Variants in SLFN12L observed in about 807,000 individuals in gnomAD.
The protein encoded by SLFN12L is schlafen family member 12 like.
In SLFN12L, 34 loss-of-function variants were observed where a neutral mutation model predicts 34.8. The ratio of observed to expected loss-of-function variants is 0.98; its 90% CI spans 0.74 to 1.30. The LOEUF (loss-of-function observed/expected upper bound fraction) is 1.30, where lower values mean the gene tolerates loss of function less well. Among genes scored for constraint, SLFN12L ranks in the 50% most tolerant of loss-of-function variants. SLFN12L has a pLI of 0.00. For synonymous variants in SLFN12L, 259 were observed against 247.5 expected, an observed-to-expected ratio of 1.05 and a Z score of -0.44; for missense variants, 703 against 696.2, an observed-to-expected ratio of 1.01 and a Z score of -0.11.
At chr17:35,502,416 GA>G (rs1161388791) in intron 2 of SLFN12L, among the ~76,000 whole-genome samples, 736 of 25,256 alleles carry the variant, frequency 0.029, no homozygotes, top group Non-Finnish European at 0.038. Flanking sequence ...GTATCCTAAG[GA>G]AAAAAAAAAA....
intron 2 of SLFN12L, among the ~76,000 whole-genome samples, chr17:35,493,101 C>T (rs1212904095): frequency 2.0e-5 from 3 of 152,124 alleles, no homozygotes; most frequent in South Asian, 2.1e-4. Context: ...TGTGGGTATG[C>T]GTGGGTGTAT....
chr17:35,510,906 G>A (rs566750378), intron 2 of SLFN12L, among the ~76,000 whole-genome samples: 15 of 150,462 alleles, frequency 1.0e-4, no homozygotes, highest in African/African-American at 3.7e-4. Flanking sequence ...AAGTTACTTT[G>A]AATGTCTTGC....
intron 2 of SLFN12L, among the ~76,000 whole-genome samples, chr17:35,488,174 G>T (rs940427198): frequency 6.6e-6 from 1 of 152,110 alleles, no homozygotes; most frequent in Non-Finnish European, 1.5e-5. Flanking sequence ...GTGCCACTAC[G>T]CTCCAGCCTG....
chr17:35,473,268 T>C lies in SLFN12L; in HGVS notation c.*1655A>G, dbSNP rs953912122. Among the ~76,000 whole-genome samples the C allele has an allele frequency of 2.0e-5, 3 of 152,214 alleles. No homozygotes were observed. Among genetic ancestry groups the C allele is most frequent in the Non-Finnish European group, 4.4e-5 (3 of 68,030 alleles). On this transcript the variant is annotated 3_prime_UTR_variant, in exon 5 of 5. Transcript: ENST00000628453. ...ATGCTTCCAGGTTTTGCCCATTCAGTATGATATTGGCTGTGGGTTTGTCAT... is the reference window on the plus strand; with the variant it reads ...ATGCTTCCAGGTTTTGCCCATTCAGCATGATATTGGCTGTGGGTTTGTCAT...
chr17:35,472,355 A>G lies in SLFN12L; in HGVS notation c.*2568T>C, dbSNP rs576096248. ...CAGTTTCAGTTTTCTGCATATGGCT[A>G]GCCAGTTCTCCCAGCACCATTTATT... On this transcript the variant is annotated 3_prime_UTR_variant, in exon 5 of 5. Coordinates refer to ENST00000628453, the MANE Select transcript of SLFN12L (RefSeq NM_001363830.2). Among the ~76,000 whole-genome samples, 2 of 152,352 alleles carry G rather than the reference A, an allele frequency of 1.3e-5. No homozygotes were observed. Among genetic ancestry groups the G allele is most frequent in the South Asian group, 2.1e-4 (1 of 4,832 alleles).
At chr17:35,502,631 G>A (rs1915339659) in intron 2 of SLFN12L, among the ~76,000 whole-genome samples, 1 of 150,528 alleles carries the variant, frequency 6.6e-6, no homozygotes, top group Admixed American at 6.6e-5. Flanking sequence ...CCAATTCTAA[G>A]TTAGTTTGGA....
At chr17:35,523,057 T>C (rs1401194395) in intron 1 of SLFN12L, 88 bp from the exon 2 acceptor site, 2 of 309,782 alleles carry the variant, frequency 6.5e-6, no homozygotes, top group East Asian at 6.1e-5. Flanking sequence ...TTAATATATT[T>C]GATTATTAAT....
chr17:35,469,302 A>AT lies in SLFN12L; in HGVS notation c.*5620_*5621insA, dbSNP rs1263483627. On this transcript the variant is annotated 3_prime_UTR_variant, in exon 5 of 5. Coordinates refer to ENST00000628453, the MANE Select transcript of SLFN12L (RefSeq NM_001363830.2). Reference sequence around the variant, plus strand: ...TGTTTTATATAAAATATATATATATAAAATATATATATATTATATATATAA... The same window carrying AT: ...TGTTTTATATAAAATATATATATATATAAATATATATATATTATATATATAA... Among the ~76,000 whole-genome samples the AT allele has an allele frequency of 7.7e-3, 1,054 of 136,760 alleles. 17 individuals are homozygous for AT. The highest frequency in any genetic ancestry group is 0.028 in the African/African-American group (999 of 35,260). The allele number at this position is 136,760 out of a possible 152,430, so 89.7% of individuals were successfully genotyped here.
At position 35,474,761 on chromosome 17, in the gene SLFN12L, TA is replaced by T; in HGVS notation, c.*161del. 1 of 576,406 alleles carries T rather than the reference TA, an allele frequency of 1.7e-6. No homozygotes were observed. The highest frequency in any genetic ancestry group is 2.7e-6 in the Non-Finnish European group (1 of 377,254). The allele number at this position is 576,406 out of a possible 1,614,324, so 35.7% of individuals were successfully genotyped here. A position where few individuals can be genotyped will look rare whatever the true frequency, so the allele number is the denominator to read the frequency against. On this transcript the variant is annotated 3_prime_UTR_variant, in exon 5 of 5. Coordinates refer to ENST00000628453, the MANE Select transcript of SLFN12L (RefSeq NM_001363830.2). ...CAAGACGGTGAAACCCCATCTCTGCTAAAAATACAAAAAAAAAAAAATTAGC... is the reference window on the plus strand; with the variant it reads ...CAAGACGGTGAAACCCCATCTCTGCTAAAATACAAAAAAAAAAAAATTAGC...
In SLFN12L at chr17:35,472,235, G is replaced by A. The variant is rs1913819592; in HGVS notation, c.*2688C>T. Among the ~76,000 whole-genome samples the A allele has an allele frequency of 6.6e-6, 1 of 152,088 alleles. No homozygotes were observed. The highest frequency in any genetic ancestry group is 6.5e-5 in the Admixed American group (1 of 15,270). On this transcript the variant is annotated 3_prime_UTR_variant, in exon 5 of 5. Transcript: ENST00000628453. ...TTTAATCTATCTTGAGTTAATTTTTGTATAAAGTGTAAGGAAGGGATCCAG... is the reference window on the plus strand; with the variant it reads ...TTTAATCTATCTTGAGTTAATTTTTATATAAAGTGTAAGGAAGGGATCCAG...
chr17:35,522,397 C>G lies in SLFN12L; in HGVS notation c.-33G>C, dbSNP rs1916025370. 1.2e-6 allele frequency: 2 copies of G among 1,614,050 alleles called. No homozygotes were observed. Among genetic ancestry groups the G allele is most frequent in the Admixed American group, 1.7e-5 (1 of 60,004 alleles). ...ATGGCCATGATGGTCTTTCCTAAGC[C>G]AGGTAAGCCATGGACAAACAATTCT... On this transcript the variant is annotated 5_prime_UTR_variant, in exon 2 of 5. Transcript: ENST00000628453.
Position 35,535,389 on chromosome 17 carries a change from G to T in SLFN12L, c.-606+2184C>A, listed in dbSNP as rs527686795. On this transcript the variant is annotated intron_variant, in intron 1 of 4. Transcript: ENST00000628453. ...TTTTTTTATTTTTAGTAGTGACGGG[G>T]TTTCTCCACGTTGTTCAGGCTGGTC... Among the ~76,000 whole-genome samples the T allele has an allele frequency of 4.0e-5, 6 of 150,658 alleles. No individual in the cohort carries two copies. The South Asian group carries it at 1.3e-3, about 32-fold the overall frequency.
intron 2 of SLFN12L, among the ~76,000 whole-genome samples, chr17:35,487,358 C>T (rs1914622007): frequency 6.6e-6 from 1 of 152,396 alleles, no homozygotes; most frequent in African/African-American, 2.4e-5. Context: ...ACAGACATTG[C>T]TACAGAGACA....
rs1597863164 is a variant in SLFN12L, at chr17:35,505,420, A to G, written c.86+16859T>C. Among the ~76,000 whole-genome samples the G allele has an allele frequency of 4.6e-5, 7 of 152,320 alleles. 1 individual carries two copies. The highest frequency in any genetic ancestry group is 4.6e-4 in the Admixed American group (7 of 15,310). On this transcript the variant is annotated intron_variant, in intron 2 of 4. Coordinates refer to ENST00000628453, the MANE Select transcript of SLFN12L (RefSeq NM_001363830.2). ...CCTTGGCAGCAACAGCTCTGCTAGCACAAGAGGTGGATAAGCTAACTCTTG... is the reference window on the plus strand; with the variant it reads ...CCTTGGCAGCAACAGCTCTGCTAGCGCAAGAGGTGGATAAGCTAACTCTTG...
chr17:35,537,204 G>A (rs1003081548), intron 1 of SLFN12L, among the ~76,000 whole-genome samples: 1 of 152,036 alleles, frequency 6.6e-6, no homozygotes, highest in Non-Finnish European at 1.5e-5. Flanking sequence ...ATCTTCACAG[G>A]CATCCCTTCC....
At chr17:35,493,428 A>G (rs1327281113) in intron 2 of SLFN12L, among the ~76,000 whole-genome samples, 2 of 152,212 alleles carry the variant, frequency 1.3e-5, no homozygotes, top group East Asian at 1.9e-4. Context: ...GATTTTCTCC[A>G]AAGTCTAAAG....
chr17:35,501,942 A>C (rs1050972708), intron 2 of SLFN12L, among the ~76,000 whole-genome samples: 1 of 152,040 alleles, frequency 6.6e-6, no homozygotes, highest in Non-Finnish European at 1.5e-5. Context: ...GCAAGGAAAG[A>C]CCAGCAGAGA....
chr17:35,497,186 T>C (rs1915113842), intron 2 of SLFN12L, among the ~76,000 whole-genome samples: 1 of 152,020 alleles, frequency 6.6e-6, no homozygotes, highest in Admixed American at 6.6e-5. Context: ...AGGTCAGGAG[T>C]TCCAGACCAG....
intron 2 of SLFN12L, among the ~76,000 whole-genome samples, chr17:35,520,614 G>A (rs1298830568): frequency 1.3e-5 from 2 of 152,026 alleles, no homozygotes; most frequent in East Asian, 3.9e-4. Flanking sequence ...GGTTGGTGAT[G>A]CACGCCTGTA....
Sources: gnomAD v4.1 joint callset for allele counts (sites outside exome capture counted in the v4.1 genomes callset) on GRCh38, gnomAD v4.1.1 for gene constraint, MANE v1.5 for transcripts, NCBI Gene and HGNC (gene_info 2026-07-23, HGNC 2026-07-21) for gene names.